The following RASGRF2 variants were observed in gnomAD, a reference collection of about 807,000 sequenced individuals.
RASGRF2 encodes Ras protein specific guanine nucleotide releasing factor 2.
A neutral mutation model predicts 151.0 loss-of-function variants in RASGRF2; 76 were observed. That is an observed-to-expected ratio of 0.50 (90% confidence interval 0.42 to 0.61). RASGRF2 has a LOEUF of 0.61. Among genes scored for constraint, RASGRF2 ranks in the 20% least tolerant of loss-of-function variants. The pLI is 0.00. For missense variants in RASGRF2, 1,148 were observed against 1,564.6 expected, an observed-to-expected ratio of 0.73 and a Z score of 4.49; for synonymous variants, 504 against 566.5, an observed-to-expected ratio of 0.89 and a Z score of 1.57.
chr5:80,976,141 C>G (rs1561534424), intron 1 of RASGRF2, among the ~76,000 whole-genome samples: 2 of 152,158 alleles, frequency 1.3e-5, no homozygotes, highest in African/African-American at 4.8e-5. Context: ...CCACGCCCGG[C>G]TAAAGCAATC....
At chr5:81,064,871 A>C (rs1367618753) in intron 2 of RASGRF2, among the ~76,000 whole-genome samples, 1 of 152,204 alleles carries the variant, frequency 6.6e-6, no homozygotes, top group African/African-American at 2.4e-5. Flanking sequence ...GCAAAGGAAA[A>C]GAGTTACTGA....
chr5:80,999,773 G>A (rs183989132), intron 1 of RASGRF2, among the ~76,000 whole-genome samples: 2 of 152,204 alleles, frequency 1.3e-5, no homozygotes, highest in African/African-American at 4.8e-5. Context: ...AGCTTTCTGC[G>A]TTTTTTATTT....
intron 7 of RASGRF2, 141 bp from the exon 8 acceptor site, chr5:81,085,661 A>G: frequency 7.5e-7 from 1 of 1,333,144 alleles, no homozygotes; most frequent in South Asian, 1.7e-5. Flanking sequence ...TTTTATTTGT[A>G]TTTCTTTTTT....
At chr5:80,988,879 A>C (rs1748558620) in intron 1 of RASGRF2, among the ~76,000 whole-genome samples, 1 of 152,248 alleles carries the variant, frequency 6.6e-6, no homozygotes, top group Non-Finnish European at 1.5e-5. Context: ...GTTTGGACAT[A>C]CATAATTTGC....
intron 17 of RASGRF2, among the ~76,000 whole-genome samples, chr5:81,163,883 T>C (rs938202292): frequency 1.3e-5 from 2 of 152,210 alleles, no homozygotes; most frequent in African/African-American, 4.8e-5. Flanking sequence ...CCTGGTGGTA[T>C]TGTGCAGTGC....
intron 17 of RASGRF2, 127 bp downstream of exon 17, chr5:81,127,290 G>A (rs153244): frequency 0.32 from 297,868 of 929,124 alleles, 49,397 homozygotes; most frequent in Middle Eastern, 0.51. Context: ...TTGGGAAGCC[G>A]AAGCAGAAGG....
chr5:80,992,724 G>A (rs1371276439), intron 1 of RASGRF2, among the ~76,000 whole-genome samples: 1 of 152,078 alleles, frequency 6.6e-6, no homozygotes, highest in African/African-American at 2.4e-5. Context: ...ATTTATCCCT[G>A]CCTCATTTCA....
chr5:80,968,714 T>C (rs1747803472), intron 1 of RASGRF2, among the ~76,000 whole-genome samples: 1 of 152,192 alleles, frequency 6.6e-6, no homozygotes, highest in South Asian at 2.1e-4. Flanking sequence ...GACGGAGTCT[T>C]GCTCTGTCAC....
At chr5:81,154,924 T>C (rs1754225933) in intron 17 of RASGRF2, among the ~76,000 whole-genome samples, 1 of 152,194 alleles carries the variant, frequency 6.6e-6, no homozygotes, top group Non-Finnish European at 1.5e-5. Context: ...TTCCCCTTTC[T>C]CCACATACTT....
chr5:81,071,908 A>G (rs1158294730), intron 4 of RASGRF2, among the ~76,000 whole-genome samples: 1 of 152,212 alleles, frequency 6.6e-6, no homozygotes. Flanking sequence ...GTTTTACTTA[A>G]CACAAAATCC....
chr5:81,121,975 C>G (rs1753322114), intron 15 of RASGRF2, among the ~76,000 whole-genome samples: 1 of 152,150 alleles, frequency 6.6e-6, no homozygotes, highest in Admixed American at 6.5e-5. Flanking sequence ...TGAAAGTGCT[C>G]CCGATTTTAG....
chr5:81,004,468 A>T (rs1407769857), intron 1 of RASGRF2, among the ~76,000 whole-genome samples: 1 of 152,198 alleles, frequency 6.6e-6, no homozygotes, highest in Non-Finnish European at 1.5e-5. Flanking sequence ...GCTTGCAAAG[A>T]GGCTGTGTTG....
chr5:81,112,604 A>G lies in RASGRF2; in HGVS notation c.1839-6A>G. 2 of 1,614,052 alleles carry G rather than the reference A, an allele frequency of 1.2e-6. No homozygotes were observed. Among genetic ancestry groups the G allele is most frequent in the Non-Finnish European group, 1.7e-6 (2 of 1,179,954 alleles). On this transcript the variant is annotated splice_polypyrimidine_tract_variant and splice_region_variant and intron_variant, in intron 13 of 26. Coordinates refer to ENST00000265080, the MANE Select transcript of RASGRF2 (RefSeq NM_006909.3). Reference sequence around the variant, plus strand: ...TTTACCATCATGTTCCTGCCTTTGCACGTAGGTCTGATGCCCGTCTTCATA... The same window carrying G: ...TTTACCATCATGTTCCTGCCTTTGCGCGTAGGTCTGATGCCCGTCTTCATA...
intron 17 of RASGRF2, among the ~76,000 whole-genome samples, chr5:81,175,092 T>C (rs536685222): frequency 1.3e-5 from 2 of 152,366 alleles, no homozygotes; most frequent in South Asian, 4.1e-4. Context: ...CTCACACTTC[T>C]TAGTTCTGTG....
rs972298777 is a variant in RASGRF2 at position 81,066,405 on chromosome 5, CTT to C, written c.396-1624_396-1623del. On this transcript the variant is annotated intron_variant, in intron 2 of 26. Transcript: ENST00000265080. The stretch of plus-strand genomic sequence containing the variant: ...TTGTGATTTTAGAAGTGTCTTAAGA[CTT>C]TTAGTTCCAAGCAACACAAACCAAG... Among the ~76,000 whole-genome samples the C allele has an allele frequency of 3.9e-5, 6 of 152,274 alleles. No individual in the cohort carries two copies. The East Asian group carries it at 5.8e-4, about 15-fold the overall frequency.
At chr5:81,220,054 G>A (rs937482140) in intron 26 of RASGRF2, among the ~76,000 whole-genome samples, 2 of 151,806 alleles carry the variant, frequency 1.3e-5, no homozygotes, top group African/African-American at 4.8e-5. Flanking sequence ...GATATCTGTT[G>A]CCTGCTCTAC....
At chr5:80,971,470 G>A (rs1284021248) in intron 1 of RASGRF2, among the ~76,000 whole-genome samples, 1 of 151,846 alleles carries the variant, frequency 6.6e-6, no homozygotes, top group Non-Finnish European at 1.5e-5. Context: ...TGTGATCATG[G>A]CTCACTGCAG....
rs1481593230 is a variant in RASGRF2, at chr5:81,113,870, A to G, written c.2420A>G (p.Asp807Gly). 2 of 1,614,080 alleles carry G rather than the reference A, an allele frequency of 1.2e-6. No individual in the cohort carries two copies. The highest frequency in any genetic ancestry group is 3.3e-5 in the Admixed American group (2 of 60,002). ...QSPGTVEENV[D>G]NPRVDLCNKL... is the part of the protein sequence containing the mutation. ...CCGGGAACGGTAGAAGAGAATGTCG[A>G]TAACCCACGCGTGGATCTGTGTAAC... The change falls in exon 15 of 27, where the codon GAT becomes GGT. Residue 807 changes from aspartate (D) to glycine (G), a missense_variant. By Grantham distance (94) the Asp-to-Gly change is moderately conservative. Transcript: ENST00000265080.
chr5:81,031,102 A>G (rs1377874279), intron 1 of RASGRF2, among the ~76,000 whole-genome samples: 1 of 152,234 alleles, frequency 6.6e-6, no homozygotes, highest in Non-Finnish European at 1.5e-5. Flanking sequence ...GGAGCTAACT[A>G]TCCTAAATAT....
Sources: allele counts gnomAD v4.1 joint callset (sites outside exome capture counted in the v4.1 genomes callset), GRCh38; gene constraint gnomAD v4.1.1; transcripts MANE v1.5; gene names NCBI Gene and HGNC (gene_info 2026-07-23, HGNC 2026-07-21).